Variants in RIMS2 observed in about 807,000 individuals in gnomAD.
RIMS2 encodes regulating synaptic membrane exocytosis protein 2.
RIMS2 carries 59 observed loss-of-function variants against 174.4 expected under a neutral mutation model. The ratio of observed to expected loss-of-function variants is 0.34; its 90% CI spans 0.27 to 0.42. The LOEUF is 0.42. RIMS2 is among the 10% of genes least tolerant of loss of function. RIMS2 has a pLI of 1.00. For missense variants in RIMS2, 1,620 were observed against 1,666.3 expected (o/e 0.97, Z 0.48); for synonymous variants, 606 against 572.5 (o/e 1.06, Z -0.84).
At chr8:103,608,465 C>A (rs1265795173) in intron 1 of RIMS2, among the ~76,000 whole-genome samples, 2 of 144,348 alleles carry the variant, frequency 1.4e-5, no homozygotes, top group African/African-American at 5.3e-5. Flanking sequence ...GCCCTGCCCC[C>A]AGAGGTGGAG....
Position 104,148,553 on chromosome 8 carries a change from C to A in RIMS2, c.3335-96363C>A, listed in dbSNP as rs1343999184. The A allele has an allele frequency of 4.0e-6, 6 of 1,489,410 alleles. 1 individual carries two copies. The Admixed American group carries it at 1.3e-4, about 32-fold the overall frequency. 92.3% of individuals were successfully genotyped at this position (1,489,410 alleles called of 1,614,324 possible). On this transcript the variant is annotated intron_variant, in intron 19 of 23. Transcript: ENST00000504942. ...AAATGTTTTATCTAAAATGCATTTTCTGTCTTTTCCTTTTTACTCTTGTCC... is the reference window on the plus strand; with the variant it reads ...AAATGTTTTATCTAAAATGCATTTTATGTCTTTTCCTTTTTACTCTTGTCC...
chr8:103,942,905 A>G (rs1459968894), exon 14 of RIMS2: 2 of 1,609,248 alleles, frequency 1.2e-6, no homozygotes, highest in Non-Finnish European at 1.7e-6. Context: ...CCATGGAGAG[A>G]GCCCAACACG....
chr8:104,076,776 G>C (rs1038209834), intron 19 of RIMS2, among the ~76,000 whole-genome samples: 1 of 151,402 alleles, frequency 6.6e-6, no homozygotes, highest in Admixed American at 6.6e-5. Context: ...ATTCTATAAG[G>C]TGTGTTAATA....
At chr8:104,180,339 A>G (rs1228436361) in intron 19 of RIMS2, among the ~76,000 whole-genome samples, 2 of 151,030 alleles carry the variant, frequency 1.3e-5, no homozygotes, top group African/African-American at 4.9e-5. Context: ...TGGCCATGCT[A>G]GTGTAGTATT....
At chr8:104,104,987 T>C (rs548916199) in intron 19 of RIMS2, among the ~76,000 whole-genome samples, 3 of 151,752 alleles carry the variant, frequency 2.0e-5, no homozygotes, top group Admixed American at 2.0e-4. Context: ...GTGAATAGAG[T>C]GTAATGGAAG....
intron 19 of RIMS2, among the ~76,000 whole-genome samples, chr8:104,174,193 C>T (rs1379908380): frequency 2.0e-5 from 3 of 152,114 alleles, no homozygotes; most frequent in East Asian, 1.9e-4. Context: ...GTGATCCATC[C>T]GCTTCAGCCT....
At chr8:103,848,837 A>C (rs2154491906) in intron 3 of RIMS2, among the ~76,000 whole-genome samples, 1 of 152,146 alleles carries the variant, frequency 6.6e-6, no homozygotes, top group South Asian at 2.1e-4. Flanking sequence ...AAGTTCTGTC[A>C]ATGTTATAAT....
intron 19 of RIMS2, among the ~76,000 whole-genome samples, chr8:104,143,916 A>ATTTGTC (rs1281010255): frequency 6.6e-6 from 1 of 152,132 alleles, no homozygotes; most frequent in African/African-American, 2.4e-5. Flanking sequence ...AAGACTCAGA[A>ATTTGTC]TTTGTCTTTG....
Position 104,051,301 on chromosome 8 carries a change from C to T in RIMS2, c.3334+36686C>T, listed in dbSNP as rs532157892. 8.0e-4 allele frequency among the ~76,000 whole-genome samples: 122 copies of T among 151,808 alleles called. 1 individual carries two copies. Among genetic ancestry groups the T allele is most frequent in the Non-Finnish European group, 1.6e-3 (111 of 67,962 alleles). Reference sequence around the variant, plus strand: ...GTGTGTATATATATACACTCACACACACATATATATATTTCAAAATAAGGT... The same window carrying T: ...GTGTGTATATATATACACTCACACATACATATATATATTTCAAAATAAGGT... On this transcript the variant is annotated intron_variant, in intron 19 of 23. Transcript: ENST00000504942.
intron 4 of RIMS2, among the ~76,000 whole-genome samples, chr8:103,908,311 GA>G (rs1287893305): frequency 1.3e-5 from 2 of 152,142 alleles, no homozygotes; most frequent in African/African-American, 4.8e-5. Context: ...AAAGTGTTGC[GA>G]TTACAGGCGT....
At chr8:103,546,474 G>A (rs1845157333) in intron 1 of RIMS2, among the ~76,000 whole-genome samples, 1 of 152,122 alleles carries the variant, frequency 6.6e-6, no homozygotes, top group African/African-American at 2.4e-5. Flanking sequence ...AGACATCATA[G>A]AGGCAGAAAG....
chr8:104,060,917 G>A (rs1011346573), intron 19 of RIMS2, among the ~76,000 whole-genome samples: 1 of 152,042 alleles, frequency 6.6e-6, no homozygotes, highest in South Asian at 2.1e-4. Flanking sequence ...TAGTTTGATT[G>A]CACTGTGGTC....
At chr8:103,928,145 G>A (rs139224355) in intron 11 of RIMS2, among the ~76,000 whole-genome samples, 1 of 151,422 alleles carries the variant, frequency 6.6e-6, no homozygotes, top group Admixed American at 6.6e-5. Flanking sequence ...TTTCAAAATG[G>A]CATTTAATGT....
At chr8:103,973,179 T>C (rs1313892483) in intron 15 of RIMS2, among the ~76,000 whole-genome samples, 2 of 152,246 alleles carry the variant, frequency 1.3e-5, no homozygotes, top group African/African-American at 2.4e-5. Context: ...GAATGTACTA[T>C]TGGGACACAG....
intron 1 of RIMS2, among the ~76,000 whole-genome samples, chr8:103,522,153 ATTG>A (rs747755240): frequency 1.3e-4 from 20 of 152,044 alleles, no homozygotes; most frequent in Admixed American, 6.6e-4. Context: ...TTTTCTATCA[ATTG>A]TTGTTCAATT....
At chr8:103,750,169 A>G (rs1591601931) in intron 2 of RIMS2, among the ~76,000 whole-genome samples, 1 of 151,988 alleles carries the variant, frequency 6.6e-6, no homozygotes, top group East Asian at 1.9e-4. Flanking sequence ...TTGTTAACCT[A>G]TTTTTTCCCC....
intron 19 of RIMS2, among the ~76,000 whole-genome samples, chr8:104,030,994 G>A (rs2096380135): frequency 6.6e-6 from 1 of 152,110 alleles, no homozygotes; most frequent in Non-Finnish European, 1.5e-5. Flanking sequence ...AGTAGGTGCT[G>A]AATATATATT....
intron 12 of RIMS2, among the ~76,000 whole-genome samples, chr8:103,931,706 A>G (rs2079984241): frequency 6.6e-6 from 1 of 152,104 alleles, no homozygotes; most frequent in Admixed American, 6.5e-5. Context: ...TATAGAATCA[A>G]AAAGCTAAAA....
intron 3 of RIMS2, among the ~76,000 whole-genome samples, chr8:103,788,973 G>T (rs1313720170): frequency 1.3e-5 from 2 of 152,218 alleles, no homozygotes; most frequent in South Asian, 2.1e-4. Context: ...TAATCTCGTG[G>T]TGCGCCGTTT....
Sources: gnomAD v4.1 joint callset for allele counts (sites outside exome capture counted in the v4.1 genomes callset) on GRCh38, gnomAD v4.1.1 for gene constraint, MANE v1.5 for transcripts, NCBI Gene and HGNC (gene_info 2026-07-23, HGNC 2026-07-21) for gene names.